Variants in ZDHHC11B observed in about 807,000 individuals in gnomAD.
ZDHHC11B encodes zDHHC palmitoyltransferase 11B (putative), also known as probable palmitoyltransferase ZDHHC11B.
ZDHHC11B carries 17 observed loss-of-function variants against 42.3 expected under a neutral mutation model. The ratio of observed to expected loss-of-function variants is 0.40; its 90% CI spans 0.27 to 0.60. The LOEUF (loss-of-function observed/expected upper bound fraction) is 0.60, where lower values mean the gene tolerates loss of function less well. Ranked by LOEUF, ZDHHC11B falls within the 20% of genes least tolerant of loss-of-function variation. ZDHHC11B has a pLI of 0.41. For synonymous variants in ZDHHC11B, 123 were observed against 193.5 expected (o/e 0.64, Z 3.02); for missense variants, 262 against 463.2 (o/e 0.57, Z 3.99).
chr5:751,905 T>C (rs550016410), intron 6 of ZDHHC11B, among the ~76,000 whole-genome samples: 2 of 119,046 alleles, frequency 1.7e-5, no homozygotes, highest in East Asian at 7.3e-4. Context: ...CCAGCCCTTT[T>C]CACGAGTGGG....
At chr5:777,042 G>C (rs149676461) in intron 1 of ZDHHC11B, among the ~76,000 whole-genome samples, 1 of 151,842 alleles carries the variant, frequency 6.6e-6, no homozygotes, top group African/African-American at 2.4e-5. Context: ...GTCTGGAATT[G>C]GTGGGTTATT....
At chr5:722,148 G>C (rs1479017400) in intron 12 of ZDHHC11B, among the ~76,000 whole-genome samples, 1 of 151,738 alleles carries the variant, frequency 6.6e-6, no homozygotes, top group East Asian at 1.9e-4. Flanking sequence ...TGGATATTTT[G>C]GTGAAAAGAT....
intron 6 of ZDHHC11B, among the ~76,000 whole-genome samples, 152 bp from the exon 7 acceptor site, chr5:751,409 G>GGC (rs1745666428): frequency 1.8e-5 from 1 of 55,462 alleles, no homozygotes; most frequent in African/African-American, 4.3e-5. Context: ...CGCAAGGGCA[G>GGC]GTGTGGGACA....
chr5:736,370 G>C (rs1200283649), intron 10 of ZDHHC11B, among the ~76,000 whole-genome samples: 1 of 149,728 alleles, frequency 6.7e-6, no homozygotes, highest in Non-Finnish European at 1.5e-5. Flanking sequence ...CACAATTATA[G>C]TGACGGACAC....
intron 4 of ZDHHC11B, among the ~76,000 whole-genome samples, chr5:757,140 C>T (rs1466067532): frequency 2.7e-4 from 41 of 151,936 alleles, no homozygotes; most frequent in South Asian, 2.1e-4. Context: ...GGGTGGAGTG[C>T]GGGGCCCTCC....
intron 12 of ZDHHC11B, among the ~76,000 whole-genome samples, chr5:724,126 C>T (rs1426140138): frequency 6.6e-6 from 1 of 151,824 alleles, no homozygotes; most frequent in East Asian, 1.9e-4. Context: ...CCCAGCCATG[C>T]CCCACTTCCA....
intron 12 of ZDHHC11B, among the ~76,000 whole-genome samples, chr5:717,911 G>T (rs1741877347): frequency 6.6e-6 from 1 of 151,720 alleles, no homozygotes; most frequent in Admixed American, 6.6e-5. Context: ...CAAACTATAG[G>T]CAACAATGGG....
chr5:745,094 A>G lies in ZDHHC11B; in HGVS notation c.900+89T>C. On this transcript the variant is annotated intron_variant, in intron 9 of 13. Transcript: ENST00000508859. ...CCATGGGCTGCATCGGCCCTGAAGT[A>G]AAGGAGCATGGCTGAGAGGTCCCAA... The G allele has an allele frequency of 3.9e-6, 5 of 1,295,000 alleles. No individual in the cohort carries two copies. In the South Asian group the frequency reaches 6.6e-5, roughly 17 times the overall value. 80.2% of individuals were successfully genotyped at this position (1,295,000 alleles called of 1,614,324 possible). A position where few individuals can be genotyped will look rare whatever the true frequency, so the allele number is the denominator to read the frequency against.
chr5:773,662 G>C (rs1408019562), intron 1 of ZDHHC11B, among the ~76,000 whole-genome samples: 1 of 151,838 alleles, frequency 6.6e-6, no homozygotes, highest in African/African-American at 2.4e-5. Context: ...GCCCAGCCCT[G>C]CCCCGACCCA....
intron 4 of ZDHHC11B, among the ~76,000 whole-genome samples, chr5:759,821 G>T (rs1734354810): frequency 6.6e-6 from 1 of 151,864 alleles, no homozygotes; most frequent in African/African-American, 2.4e-5. Context: ...ACTGGGCCTG[G>T]GAGGTCACTT....
chr5:773,900 CTG>C (rs1254819251), intron 1 of ZDHHC11B, among the ~76,000 whole-genome samples: 1 of 151,870 alleles, frequency 6.6e-6, no homozygotes, highest in Admixed American at 6.6e-5. Context: ...GTGGGCAAGA[CTG>C]TGTTGTCCAA....
At chr5:715,952 T>A (rs1176072474) in intron 13 of ZDHHC11B, among the ~76,000 whole-genome samples, 1 of 151,092 alleles carries the variant, frequency 6.6e-6, no homozygotes, top group Non-Finnish European at 1.5e-5. Flanking sequence ...TTTTCTTGTA[T>A]GGATCATGCC....
In ZDHHC11B at chr5:745,479, G is replaced by T. The variant is rs919611744; in HGVS notation, c.785-181C>A. Among the ~76,000 whole-genome samples the T allele has an allele frequency of 1.1e-4, 16 of 150,000 alleles. 1 individual carries two copies. The highest frequency in any genetic ancestry group is 4.4e-4 in the South Asian group (2 of 4,512). On this transcript the variant is annotated intron_variant, in intron 8 of 13. Transcript: ENST00000508859. ...GAGTGCAGATGCCTTGTGGGCCCAG[G>T]TCTGCAGCTAGCTGATGGTCAGCAG...
At chr5:784,549 G>C (rs1392020996) in intron 1 of ZDHHC11B, among the ~76,000 whole-genome samples, 119 bp downstream of exon 1, 2 of 152,218 alleles carry the variant, frequency 1.3e-5, no homozygotes, top group Admixed American at 6.5e-5. Flanking sequence ...AATGTGGCTC[G>C]GGGGAGCGCG....
intron 4 of ZDHHC11B, among the ~76,000 whole-genome samples, chr5:758,021 C>T (rs1403140446): frequency 1.3e-5 from 2 of 151,830 alleles, no homozygotes; most frequent in South Asian, 2.1e-4. Context: ...TCAGCTGGGC[C>T]GGGCACAGGG....
chr5:740,005 T>C (rs139468541), intron 10 of ZDHHC11B, among the ~76,000 whole-genome samples: 7,841 of 151,126 alleles, frequency 0.052, 364 homozygotes, highest in Non-Finnish European at 0.082. Context: ...CAGACCATTA[T>C]TCTAAGTGAA....
intron 1 of ZDHHC11B, among the ~76,000 whole-genome samples, chr5:769,976 C>T (rs551385638): frequency 3.9e-5 from 6 of 152,036 alleles, no homozygotes; most frequent in South Asian, 2.1e-4. Context: ...CCCCGCGAGA[C>T]GGCCGTCCAC....
chr5:717,724 A>G (rs1473816423), intron 12 of ZDHHC11B, among the ~76,000 whole-genome samples: 1 of 151,796 alleles, frequency 6.6e-6, no homozygotes, highest in East Asian at 1.9e-4. Flanking sequence ...AAGGATGCAA[A>G]TGGGAGCTGA....
intron 4 of ZDHHC11B, among the ~76,000 whole-genome samples, chr5:760,503 C>T (rs1734461910): frequency 6.6e-6 from 1 of 151,578 alleles, no homozygotes; most frequent in Non-Finnish European, 1.5e-5. Context: ...GACCCCGGGC[C>T]CCAGAACTGT....
Sources: gnomAD v4.1 joint callset for allele counts (sites outside exome capture counted in the v4.1 genomes callset) on GRCh38, gnomAD v4.1.1 for gene constraint, MANE v1.5 for transcripts, NCBI Gene and HGNC (gene_info 2026-07-23, HGNC 2026-07-21) for gene names.